ACSS3: variants seen among roughly 807,000 people sequenced by gnomAD.
ACSS3 encodes the protein acyl-CoA synthetase short-chain family member 3, mitochondrial.
A neutral mutation model predicts 84.2 loss-of-function variants in ACSS3; 64 were observed. The ratio of observed to expected loss-of-function variants is 0.76; its 90% confidence interval spans 0.62 to 0.94. The LOEUF is 0.94. Among genes scored for constraint, ACSS3 ranks in the 40% least tolerant of loss-of-function variants. The probability of loss-of-function intolerance (pLI) is 0.00; values close to 1 mark genes in which losing one functional copy is unlikely to be tolerated. For missense variants in ACSS3, 815 were observed against 867.6 expected (o/e 0.94, Z 0.76); for synonymous variants, 317 against 310.1 (o/e 1.02, Z -0.23).
At chr12:81,114,436 A>G (rs987664589) in intron 2 of ACSS3, among the ~76,000 whole-genome samples, 4 of 152,126 alleles carry the variant, frequency 2.6e-5, no homozygotes, top group African/African-American at 7.2e-5. Context: ...TCAGAGTAAG[A>G]TAATCTGACA....
intron 13 of ACSS3, among the ~76,000 whole-genome samples, chr12:81,248,845 C>A: frequency 6.6e-6 from 1 of 151,332 alleles, no homozygotes; most frequent in Non-Finnish European, 1.5e-5. Context: ...ATATTTGTAC[C>A]AATAAATTTA....
rs146299781 is a variant in ACSS3 at position 81,142,319 on chromosome 12, T to C, written c.781-788T>C. The stretch of plus-strand genomic sequence containing the variant: ...AAAAAACTAGGCTTTTAATGGGCAT[T>C]AACTCTACTTAAATAGCTGTAATTC... On this transcript the variant is annotated intron_variant, in intron 4 of 15. Transcript: ENST00000548058. Among the ~76,000 whole-genome samples the C allele has an allele frequency of 3.4e-3, 520 of 152,354 alleles. 2 individuals carry two copies. Among genetic ancestry groups the C allele is most frequent in the Admixed American group, 6.3e-3 (96 of 15,300 alleles).
chr12:81,199,755 G>A lies in ACSS3; in HGVS notation c.1354+311G>A, dbSNP rs2032017016. On this transcript the variant is annotated intron_variant, in intron 9 of 15. Transcript: ENST00000548058. ...GATTTTCCTTTGAAGTGTCTGTTGGGTTCATTCCACCTTCAGTATTCCCCT... is the reference window on the plus strand; with the variant it reads ...GATTTTCCTTTGAAGTGTCTGTTGGATTCATTCCACCTTCAGTATTCCCCT... The A allele has an allele frequency of 5.2e-6, 6 of 1,144,120 alleles. No individual in the cohort carries two copies. In the Middle Eastern group the frequency reaches 8.9e-4, roughly 170 times the overall value. The allele number at this position is 1,144,120 out of a possible 1,614,324, so 70.9% of individuals were successfully genotyped here.
At position 81,254,986 on chromosome 12, in the gene ACSS3, T is replaced by C. The variant is rs1249046336; in HGVS notation, c.*64T>C. The C allele has an allele frequency of 6.0e-6, 8 of 1,343,460 alleles. No homozygotes were observed. The highest frequency in any genetic ancestry group is 4.0e-4 in the Middle Eastern group (2 of 5,010). 83.2% of individuals were successfully genotyped at this position (1,343,460 alleles called of 1,614,324 possible). ...CTTAATTGAAATTAAATTATTTGAGTTGTTTCTCAGAAATAAATATTTCAG... is the reference window on the plus strand; with the variant it reads ...CTTAATTGAAATTAAATTATTTGAGCTGTTTCTCAGAAATAAATATTTCAG... On this transcript the variant is annotated 3_prime_UTR_variant, in exon 16 of 16. Coordinates refer to ENST00000548058, the MANE Select transcript of ACSS3 (RefSeq NM_024560.4).
intron 9 of ACSS3, among the ~76,000 whole-genome samples, chr12:81,213,048 A>G (rs958439150): frequency 2.0e-5 from 3 of 152,230 alleles, no homozygotes; most frequent in Non-Finnish European, 4.4e-5. Context: ...GAAGTATCCC[A>G]TGCTCTTCTA....
In ACSS3 at chr12:81,143,253, C is replaced by T; in HGVS notation, c.921+6C>T. ...GCACAACGGGGTTACCTAAGGTACT[C>T]ACTCTCTTAGAGATAACTATCTATA... On this transcript the variant is annotated splice_donor_region_variant and intron_variant, in intron 5 of 15. Coordinates refer to ENST00000548058, the MANE Select transcript of ACSS3 (RefSeq NM_024560.4). The T allele has an allele frequency of 1.3e-6, 2 of 1,582,898 alleles. No homozygotes were observed. Among genetic ancestry groups the T allele is most frequent in the East Asian group, 4.5e-5 (2 of 44,194 alleles).
intron 8 of ACSS3, among the ~76,000 whole-genome samples, chr12:81,185,415 A>G (rs781775452): frequency 6.6e-6 from 1 of 151,720 alleles, no homozygotes; most frequent in Non-Finnish European, 1.5e-5. Flanking sequence ...CTCTATTTGC[A>G]GATGATGTTG....
intron 7 of ACSS3, among the ~76,000 whole-genome samples, chr12:81,170,964 C>T (rs1446292970): frequency 6.6e-6 from 1 of 152,108 alleles, no homozygotes; most frequent in African/African-American, 2.4e-5. Flanking sequence ...AAGATTCTTA[C>T]AGGCTTTGCT....
chr12:81,128,009 T>G (rs1226900512), intron 2 of ACSS3, among the ~76,000 whole-genome samples: 1 of 152,196 alleles, frequency 6.6e-6, no homozygotes, highest in Non-Finnish European at 1.5e-5. Flanking sequence ...GTTTTCATTA[T>G]TCATAGCAAT....
chr12:81,150,826 A>G (rs537754447), intron 5 of ACSS3, among the ~76,000 whole-genome samples: 1 of 152,352 alleles, frequency 6.6e-6, no homozygotes, highest in South Asian at 2.1e-4. Context: ...TATGCTAAAA[A>G]GCATAACTAA....
intron 1 of ACSS3, among the ~76,000 whole-genome samples, chr12:81,088,627 C>G (rs998209780): frequency 1.3e-5 from 2 of 151,998 alleles, no homozygotes; most frequent in Non-Finnish European, 2.9e-5. Context: ...TTTGGAAATA[C>G]AGTTTCTTAA....
intron 3 of ACSS3, among the ~76,000 whole-genome samples, chr12:81,137,485 T>G (rs1885871918): frequency 6.6e-6 from 1 of 151,904 alleles, no homozygotes; most frequent in African/African-American, 2.4e-5. Flanking sequence ...TTGGGTAAAA[T>G]TAGTGTGTAG....
chr12:81,236,452 A>G (rs1180829469), intron 13 of ACSS3, among the ~76,000 whole-genome samples: 1 of 151,238 alleles, frequency 6.6e-6, no homozygotes, highest in Admixed American at 6.6e-5. Context: ...TCTTTGAATC[A>G]TGTTTGAATC....
At chr12:81,078,999 T>A (rs539407085) in intron 1 of ACSS3, among the ~76,000 whole-genome samples, 1 of 151,398 alleles carries the variant, frequency 6.6e-6, no homozygotes, top group Non-Finnish European at 1.5e-5. Context: ...GCTGGAGAGG[T>A]GGGAGGGGAA....
intron 8 of ACSS3, among the ~76,000 whole-genome samples, chr12:81,185,830 G>A (rs2031225006): frequency 6.6e-6 from 1 of 151,610 alleles, no homozygotes. Context: ...AATCCCAATG[G>A]CATACTTCAC....
intron 2 of ACSS3, among the ~76,000 whole-genome samples, chr12:81,134,081 A>T (rs1207013123): frequency 6.6e-6 from 1 of 152,084 alleles, no homozygotes; most frequent in Non-Finnish European, 1.5e-5. Flanking sequence ...CAGAAAAAAA[A>T]AAAGAACTGT....
intron 2 of ACSS3, among the ~76,000 whole-genome samples, chr12:81,112,182 A>G (rs1883656451): frequency 6.6e-6 from 1 of 152,214 alleles, no homozygotes; most frequent in East Asian, 1.9e-4. Context: ...GTCTATGATT[A>G]AAAATCGTGC....
At chr12:81,093,085 A>C (rs1450285307) in intron 1 of ACSS3, among the ~76,000 whole-genome samples, 1 of 152,000 alleles carries the variant, frequency 6.6e-6, no homozygotes, top group Admixed American at 6.6e-5. Context: ...ATCAAGGGAG[A>C]GGTTTTATAA....
At chr12:81,245,669 G>A (rs2033961134) in intron 13 of ACSS3, among the ~76,000 whole-genome samples, 1 of 152,114 alleles carries the variant, frequency 6.6e-6, no homozygotes, top group Non-Finnish European at 1.5e-5. Flanking sequence ...TTCCTGTAGA[G>A]GTTTCTGCTC....
Sources: gnomAD v4.1 joint callset for allele counts (sites outside exome capture counted in the v4.1 genomes callset) on GRCh38, gnomAD v4.1.1 for gene constraint, MANE v1.5 for transcripts, NCBI Gene and HGNC (gene_info 2026-07-23, HGNC 2026-07-21) for gene names.